The following CALML4 variants were observed in gnomAD, a reference collection of about 807,000 sequenced individuals.
The protein encoded by CALML4 is calmodulin like 4.
CALML4 carries 16 observed loss-of-function variants against 17.9 expected under a neutral mutation model. The ratio of observed to expected loss-of-function variants is 0.89; its 90% CI spans 0.61 to 1.36. CALML4 has a LOEUF of 1.36. Among genes scored for constraint, CALML4 ranks in the 40% most tolerant of loss-of-function variants. The probability of loss-of-function intolerance (pLI) is 0.00; values close to 1 mark genes in which losing one functional copy is unlikely to be tolerated. For missense variants in CALML4, 203 were observed against 194.8 expected, an observed-to-expected ratio of 1.04 and a Z score of -0.25; for synonymous variants, 86 against 71.5, an observed-to-expected ratio of 1.20 and a Z score of -1.02.
chr15:68,203,510 T>C (rs1456790816), intron 2 of CALML4, among the ~76,000 whole-genome samples: 2 of 152,230 alleles, frequency 1.3e-5, no homozygotes, highest in Non-Finnish European at 2.9e-5. Flanking sequence ...GATGTAGGGA[T>C]TGAAACACTG....
chr15:68,195,878 A>AAAAAG (rs2093142298), intron 4 of CALML4, among the ~76,000 whole-genome samples: 1 of 152,036 alleles, frequency 6.6e-6, no homozygotes, highest in African/African-American at 2.4e-5. Context: ...CATTAACCAC[A>AAAAAG]AAAAGAAGGC....
chr15:68,200,025 T>G lies in CALML4; in HGVS notation c.35-344A>C. 1.8e-5 allele frequency: 3 copies of G among 165,606 alleles called. No homozygotes were observed. The highest frequency in any genetic ancestry group is 1.3e-5 in the Non-Finnish European group (1 of 76,988). The allele number at this position is 165,606 out of a possible 1,614,324, so 10.3% of individuals were successfully genotyped here. ...CTTCCCTTTCTCCCTACTCCCTCCC[T>G]TCCTTCTCCCTCCCCCTCCCCGCCA... On this transcript the variant is annotated intron_variant, in intron 2 of 4. Coordinates refer to ENST00000467889, the MANE Select transcript of CALML4 (RefSeq NM_033429.3). The surrounding 1 kb of genome is among the most constrained non-coding windows in gnomAD (Gnocchi z 4.3).
chr15:68,197,485 G>T lies in CALML4; in HGVS notation c.319C>A (p.Arg107=), dbSNP rs201056051. The T allele has an allele frequency of 3.1e-6, 5 of 1,613,994 alleles. No homozygotes were observed. In the African/African-American group the frequency reaches 6.7e-5, roughly 22 times the overall value. The change falls in exon 4 of 5, where the codon CGG becomes AGG. Residue 107 remains arginine (R), a synonymous_variant. Transcript: ENST00000467889. The surrounding 1 kb of genome is among the most constrained non-coding windows in gnomAD (Gnocchi z 4.1). The stretch of plus-strand genomic sequence containing the variant: ...TCCCCCAGACTCGTGAGTTTTGACC[G>T]CAGGTCGGACGCCATGACGTAACCT... ...KKGYVMASDL[R]SKLTSLGEKL... is the part of the protein sequence containing the mutation.
intron 4 of CALML4, among the ~76,000 whole-genome samples, chr15:68,195,590 T>C (rs772709875): frequency 1.3e-5 from 2 of 152,046 alleles, no homozygotes; most frequent in Non-Finnish European, 2.9e-5. Context: ...CAAAGACCCA[T>C]AGAAAGCCAA....
intron 2 of CALML4, among the ~76,000 whole-genome samples, chr15:68,201,766 C>G (rs2093166180): frequency 6.6e-6 from 1 of 152,246 alleles, no homozygotes; most frequent in African/African-American, 2.4e-5. Flanking sequence ...CTTTAAAGAC[C>G]TGGAAGGCCA....
chr15:68,205,193 T>A lies in CALML4; in HGVS notation c.4-42A>T. 1 of 1,614,110 alleles carries A rather than the reference T, an allele frequency of 6.2e-7. No homozygotes were observed. The highest frequency in any genetic ancestry group is 8.5e-7 in the Non-Finnish European group (1 of 1,180,004). On this transcript the variant is annotated intron_variant, in intron 1 of 4. Coordinates refer to ENST00000467889, the MANE Select transcript of CALML4 (RefSeq NM_033429.3). The surrounding 1 kb of genome is among the most constrained non-coding windows in gnomAD (Gnocchi z 4.8). ...AAAACAGTCAGGGGAGGGCTCCACC[T>A]GAGGTTCACGCCCCCAGCCCTGGCC...
rs776303725 is a variant in CALML4, at chr15:68,205,189, C to T, written c.4-38G>A. On this transcript the variant is annotated intron_variant, in intron 1 of 4. Coordinates refer to ENST00000467889, the MANE Select transcript of CALML4 (RefSeq NM_033429.3). The surrounding 1 kb of genome is among the most constrained non-coding windows in gnomAD (Gnocchi z 4.8). Reference sequence around the variant, plus strand: ...AAGGAAAACAGTCAGGGGAGGGCTCCACCTGAGGTTCACGCCCCCAGCCCT... The same window carrying T: ...AAGGAAAACAGTCAGGGGAGGGCTCTACCTGAGGTTCACGCCCCCAGCCCT... 2 of 1,614,150 alleles carry T rather than the reference C, an allele frequency of 1.2e-6. No individual in the cohort carries two copies. The highest frequency in any genetic ancestry group is 1.7e-6 in the Non-Finnish European group (2 of 1,180,016).
chr15:68,196,171 C>T (rs796369420), intron 4 of CALML4, among the ~76,000 whole-genome samples: 3 of 152,346 alleles, frequency 2.0e-5, no homozygotes, highest in African/African-American at 7.2e-5. Flanking sequence ...GCCTCAGCCT[C>T]CCGAGTAGCT....
At position 68,194,378 on chromosome 15, in the gene CALML4, C is replaced by T. The variant is rs535420041; in HGVS notation, c.365-266G>A. Among the ~76,000 whole-genome samples the T allele has an allele frequency of 3.4e-3, 479 of 141,772 alleles. 1 individual carries two copies. Among genetic ancestry groups the T allele is most frequent in the African/African-American group, 0.012 (463 of 37,424 alleles). The allele number at this position is 141,772 out of a possible 152,430, so 93.0% of individuals were successfully genotyped here. ...GTAAGGATTCGGTCACTGATGCCAC[C>T]GTGTGCTTTTTTTTTTTTTTTTTTA... On this transcript the variant is annotated intron_variant, in intron 4 of 4. Coordinates refer to ENST00000467889, the MANE Select transcript of CALML4 (RefSeq NM_033429.3).
intron 2 of CALML4, among the ~76,000 whole-genome samples, chr15:68,203,647 T>A (rs1219236858): frequency 6.6e-6 from 1 of 152,212 alleles, no homozygotes. Flanking sequence ...TGGCTATGCC[T>A]GGCCCAGCGT....
rs1026612246 is a variant in CALML4, at chr15:68,193,948, C to T, written c.*67G>A. 4.3e-6 allele frequency: 5 copies of T among 1,172,896 alleles called. No homozygotes were observed. In the African/African-American group the frequency reaches 6.1e-5, roughly 14 times the overall value. The allele number at this position is 1,172,896 out of a possible 1,614,324, so 72.7% of individuals were successfully genotyped here. On this transcript the variant is annotated 3_prime_UTR_variant, in exon 5 of 5. Transcript: ENST00000467889. Reference sequence around the variant, plus strand: ...TGCCATCTCTCCCAAGTGAAAAGAACACTTTTTAAAAAAAATTAATTGCTC... The same window carrying T: ...TGCCATCTCTCCCAAGTGAAAAGAATACTTTTTAAAAAAAATTAATTGCTC...
rs1453604158 is a variant in CALML4, at chr15:68,193,971, C to T, written c.*44G>A. ...AACACTTTTTAAAAAAAATTAATTGCTCCAAGTTTTCAGGCCCAGGGGAGG... is the reference window on the plus strand; with the variant it reads ...AACACTTTTTAAAAAAAATTAATTGTTCCAAGTTTTCAGGCCCAGGGGAGG... On this transcript the variant is annotated 3_prime_UTR_variant, in exon 5 of 5. Coordinates refer to ENST00000467889, the MANE Select transcript of CALML4 (RefSeq NM_033429.3). 30 of 1,431,196 alleles carry T rather than the reference C, an allele frequency of 2.1e-5. No individual in the cohort carries two copies. Among genetic ancestry groups the T allele is most frequent in the Non-Finnish European group, 2.8e-5 (29 of 1,022,516 alleles). The allele number at this position is 1,431,196 out of a possible 1,614,324, so 88.7% of individuals were successfully genotyped here.
Position 68,193,852 on chromosome 15 carries a change from T to C in CALML4, c.*163A>G, listed in dbSNP as rs2093131170. 1 of 603,304 alleles carries C rather than the reference T, an allele frequency of 1.7e-6. No homozygotes were observed. The highest frequency in any genetic ancestry group is 1.9e-5 in the African/African-American group (1 of 53,994). The allele number at this position is 603,304 out of a possible 1,614,324, so 37.4% of individuals were successfully genotyped here. On this transcript the variant is annotated 3_prime_UTR_variant, in exon 5 of 5. Coordinates refer to ENST00000467889, the MANE Select transcript of CALML4 (RefSeq NM_033429.3). Reference sequence around the variant, plus strand: ...ATTAAAGATCTACTCATACCATGGCTGAAATCATCTATTATTGTTGCTAGT... The same window carrying C: ...ATTAAAGATCTACTCATACCATGGCCGAAATCATCTATTATTGTTGCTAGT...
At chr15:68,205,360 A>AT (rs2093179665), upstream of CALML4, 1 of 1,613,938 alleles carries the variant, frequency 6.2e-7, no homozygotes. The surrounding 1 kb of genome is among the most constrained non-coding windows in gnomAD (Gnocchi z 4.8). Context: ...CCCGGGTAAT[A>AT]AATGCTCGGC....
At chr15:68,203,958 C>G (rs2093173740) in intron 2 of CALML4, among the ~76,000 whole-genome samples, 1 of 152,176 alleles carries the variant, frequency 6.6e-6, no homozygotes, top group Admixed American at 6.5e-5. Flanking sequence ...GCCTCAAAAC[C>G]AGGCATGGGT....
chr15:68,196,194 G>A (rs1437239478), intron 4 of CALML4, among the ~76,000 whole-genome samples: 10 of 152,168 alleles, frequency 6.6e-5, no homozygotes, highest in East Asian at 3.8e-4. Flanking sequence ...GGCTACAGGC[G>A]CCCGCCACCA....
chr15:68,191,319 A>G lies in CALML4; in HGVS notation c.*2696T>C, dbSNP rs1424814667. ...GCCAAACCAGTAAAATGGCTTTTAA[A>G]AATGTATAGTAGACAATGTCAGTTT... is the stretch of plus-strand genomic sequence containing the variant. On this transcript the variant is annotated 3_prime_UTR_variant, in exon 5 of 5. Coordinates refer to ENST00000467889, the MANE Select transcript of CALML4 (RefSeq NM_033429.3). 1 of 152,686 alleles carries G rather than the reference A, an allele frequency of 6.5e-6. No individual in the cohort carries two copies. The highest frequency in any genetic ancestry group is 2.4e-5 in the African/African-American group (1 of 41,478). The allele number at this position is 152,686 out of a possible 1,614,324, so 9.5% of individuals were successfully genotyped here.
chr15:68,205,411 C>G (rs1259277143), upstream of CALML4: 23 of 1,612,278 alleles, frequency 1.4e-5, no homozygotes, highest in Non-Finnish European at 1.9e-5. The surrounding 1 kb of genome is among the most constrained non-coding windows in gnomAD (Gnocchi z 4.8). Flanking sequence ...GGTCAGATTC[C>G]AGCTTCCTGA....
chr15:68,197,731 AC>A lies in CALML4; in HGVS notation c.176-104del. 1.9e-6 allele frequency: 2 copies of A among 1,034,326 alleles called. No homozygotes were observed. The highest frequency in any genetic ancestry group is 2.8e-6 in the Non-Finnish European group (2 of 702,188). The allele number at this position is 1,034,326 out of a possible 1,614,324, so 64.1% of individuals were successfully genotyped here. A position where few individuals can be genotyped will look rare whatever the true frequency, so the allele number is the denominator to read the frequency against. ...TGCACAGCCGGTTCAAGGTCAACTG[AC>A]CAGGGAATGCCAGGATGTGGCAGTG... On this transcript the variant is annotated intron_variant, in intron 3 of 4. Coordinates refer to ENST00000467889, the MANE Select transcript of CALML4 (RefSeq NM_033429.3). The surrounding 1 kb of genome is among the most constrained non-coding windows in gnomAD (Gnocchi z 4.1).
Sources: allele counts gnomAD v4.1 joint callset (sites outside exome capture counted in the v4.1 genomes callset), GRCh38; gene constraint gnomAD v4.1.1; non-coding constraint Gnocchi (gnomAD v3.1); transcripts MANE v1.5; gene names NCBI Gene and HGNC (gene_info 2026-07-23, HGNC 2026-07-21).